Variants in PEX14 observed in about 807,000 individuals in gnomAD.
PEX14 encodes peroxisomal membrane protein PEX14.
In PEX14, 15 loss-of-function variants were observed where a neutral mutation model predicts 49.5. The ratio of observed to expected loss-of-function variants is 0.30; its 90% CI spans 0.20 to 0.47. PEX14 has a LOEUF of 0.47. PEX14 is among the 20% of genes least tolerant of loss of function. PEX14 has a pLI of 1.00. For synonymous variants in PEX14, 210 were observed against 212.7 expected (o/e 0.99, Z 0.11); for missense variants, 398 against 494.8 (o/e 0.80, Z 1.86).
chr1:10,482,088 G>T (rs1641291983), intron 1 of PEX14, among the ~76,000 whole-genome samples: 2 of 152,062 alleles, frequency 1.3e-5, no homozygotes, highest in South Asian at 4.1e-4. Flanking sequence ...GCCTCCCAAA[G>T]TGCTGAGATT....
At chr1:10,572,684 C>A (rs1382324722) in intron 3 of PEX14, among the ~76,000 whole-genome samples, 2 of 152,094 alleles carry the variant, frequency 1.3e-5, no homozygotes, top group African/African-American at 2.4e-5. Flanking sequence ...ATAGGCGCCC[C>A]CCCCACCACG....
intron 1 of PEX14, among the ~76,000 whole-genome samples, chr1:10,491,609 C>T (rs1641474840): frequency 6.6e-6 from 1 of 151,466 alleles, no homozygotes; most frequent in Non-Finnish European, 1.5e-5. Context: ...TTAAGGGATC[C>T]TCCCATTGTA....
At chr1:10,607,157 A>G (rs1570342592) in intron 4 of PEX14, among the ~76,000 whole-genome samples, 2 of 150,646 alleles carry the variant, frequency 1.3e-5, no homozygotes, top group Admixed American at 6.6e-5. Flanking sequence ...TCTTGTTTCT[A>G]TTTTTTTTCT....
At chr1:10,521,721 C>T (rs939608756) in intron 2 of PEX14, among the ~76,000 whole-genome samples, 2 of 152,166 alleles carry the variant, frequency 1.3e-5, no homozygotes, top group African/African-American at 4.8e-5. Context: ...TTTTTTCCCC[C>T]CTAAGAATCA....
At chr1:10,552,955 GAT>G (rs1639377724) in intron 3 of PEX14, among the ~76,000 whole-genome samples, 2 of 152,212 alleles carry the variant, frequency 1.3e-5, no homozygotes, top group Non-Finnish European at 2.9e-5. Context: ...TAAGGCGAGA[GAT>G]CGAGGAGACA....
chr1:10,571,646 T>C (rs988419400), intron 3 of PEX14, among the ~76,000 whole-genome samples: 5 of 151,918 alleles, frequency 3.3e-5, no homozygotes, highest in African/African-American at 1.2e-4. Context: ...CCATCTCTAC[T>C]AAAAATACAA....
At chr1:10,483,440 C>T (rs1428790047) in intron 1 of PEX14, among the ~76,000 whole-genome samples, 4 of 152,152 alleles carry the variant, frequency 2.6e-5, no homozygotes, top group East Asian at 1.9e-4. Flanking sequence ...CCTCAGCCTC[C>T]GGAGTAGCTG....
intron 2 of PEX14, among the ~76,000 whole-genome samples, chr1:10,498,688 T>C (rs1349083591): frequency 6.6e-6 from 1 of 152,218 alleles, no homozygotes; most frequent in Non-Finnish European, 1.5e-5. Flanking sequence ...TGCTCTCTAA[T>C]ATCATGTCAT....
Position 10,564,687 on chromosome 1 carries a change from G to C in PEX14, c.169+28390G>C, listed in dbSNP as rs534918675. 8.0e-5 allele frequency among the ~76,000 whole-genome samples: 12 copies of C among 150,102 alleles called. 1 individual carries two copies. In the South Asian group the frequency reaches 2.5e-3, roughly 32 times the overall value. ...AGCTCAAGTGATGCCACCTGCCTTG[G>C]CCTCTCAAAGTCCTGAGATTATAGG... On this transcript the variant is annotated intron_variant, in intron 3 of 8. Coordinates refer to ENST00000356607, the MANE Select transcript of PEX14 (RefSeq NM_004565.3).
chr1:10,507,795 C>A (rs1306578375), intron 2 of PEX14, among the ~76,000 whole-genome samples: 1 of 152,206 alleles, frequency 6.6e-6, no homozygotes, highest in African/African-American at 2.4e-5. Context: ...ACTTTCTCTG[C>A]CCCCTCAGGT....
chr1:10,558,994 T>C (rs189898765), intron 3 of PEX14, among the ~76,000 whole-genome samples: 67 of 152,330 alleles, frequency 4.4e-4, no homozygotes, highest in Middle Eastern at 3.4e-3. Context: ...TTGCCAATAG[T>C]TAGGAAAGCT....
At chr1:10,594,352 T>G (rs1640767911) in intron 3 of PEX14, among the ~76,000 whole-genome samples, 1 of 152,102 alleles carries the variant, frequency 6.6e-6, no homozygotes, top group Admixed American at 6.6e-5. Flanking sequence ...CCTCTCAGTG[T>G]CCATGAGTCC....
intron 3 of PEX14, among the ~76,000 whole-genome samples, chr1:10,596,704 G>T (rs903580917): frequency 3.3e-5 from 5 of 152,024 alleles, no homozygotes; most frequent in African/African-American, 1.2e-4. Context: ...GTTAAATGAG[G>T]GCAGTGACTG....
chr1:10,625,126 G>A (rs559838036), intron 7 of PEX14, among the ~76,000 whole-genome samples: 4 of 152,292 alleles, frequency 2.6e-5, no homozygotes, highest in East Asian at 1.9e-4. Flanking sequence ...GAGCCATAAC[G>A]GCACCTAATT....
chr1:10,531,638 G>A (rs1398422074), intron 2 of PEX14, among the ~76,000 whole-genome samples: 1 of 152,038 alleles, frequency 6.6e-6, no homozygotes, highest in East Asian at 1.9e-4. Flanking sequence ...AAAGGACTTG[G>A]CTTTGGTTGT....
At chr1:10,587,436 TTC>T (rs1640527350) in intron 3 of PEX14, among the ~76,000 whole-genome samples, 1 of 152,032 alleles carries the variant, frequency 6.6e-6, no homozygotes, top group Admixed American at 6.6e-5. Context: ...CAGAGTGAGA[TTC>T]TGTCTCAAAT....
At chr1:10,531,551 C>T (rs1052209105) in intron 2 of PEX14, among the ~76,000 whole-genome samples, 3 of 151,942 alleles carry the variant, frequency 2.0e-5, no homozygotes, top group African/African-American at 4.8e-5. Context: ...AGCAGTGCGG[C>T]GCTGGAATGG....
At chr1:10,508,058 T>C (rs1346728283) in intron 2 of PEX14, among the ~76,000 whole-genome samples, 3 of 152,218 alleles carry the variant, frequency 2.0e-5, no homozygotes, top group African/African-American at 7.2e-5. Context: ...ATATGGTTGA[T>C]TACCTGTTCT....
At chr1:10,599,099 G>T (rs1303477302) in intron 3 of PEX14, 139 bp from the exon 4 acceptor site, 6 of 824,434 alleles carry the variant, frequency 7.3e-6, no homozygotes, top group Non-Finnish European at 1.3e-5. Context: ...AGGTTCCGGA[G>T]AATCTGAAAT....
Sources: gnomAD v4.1 joint callset for allele counts (sites outside exome capture counted in the v4.1 genomes callset) on GRCh38, gnomAD v4.1.1 for gene constraint, MANE v1.5 for transcripts, NCBI Gene and HGNC (gene_info 2026-07-23, HGNC 2026-07-21) for gene names.